The following RAB38 variants were observed in gnomAD, a reference collection of about 807,000 sequenced individuals.
The protein encoded by RAB38 is ras-related protein Rab-38.
RAB38 carries 15 observed loss-of-function variants against 18.4 expected under a neutral mutation model. The observed-to-expected ratio is 0.82, with a 90% CI of 0.55 to 1.26. The LOEUF (loss-of-function observed/expected upper bound fraction) is 1.26, where lower values mean the gene tolerates loss of function less well. RAB38 is among the 50% of genes most tolerant of loss of function. The pLI is 0.00. For synonymous variants in RAB38, 101 were observed against 104.4 expected, an observed-to-expected ratio of 0.97 and a Z score of 0.20; for missense variants, 294 against 267.4, an observed-to-expected ratio of 1.10 and a Z score of -0.69.
At chr11:88,027,296 G>C in the RAB38 span, among the ~76,000 whole-genome samples, 1 of 152,126 alleles carries the variant, frequency 6.6e-6, no homozygotes, top group African/African-American at 2.4e-5. Flanking sequence ...TGTGAGCGAC[G>C]CAGAAGACGG....
the RAB38 span, among the ~76,000 whole-genome samples, chr11:87,969,656 C>T: frequency 0.012 from 1,779 of 152,132 alleles, 40 homozygotes; most frequent in African/African-American, 0.04. Flanking sequence ...TGGTCTGTGT[C>T]GGGAAATTAT....
the RAB38 span, among the ~76,000 whole-genome samples, chr11:87,907,660 A>G: frequency 6.6e-6 from 1 of 151,568 alleles, no homozygotes; most frequent in Non-Finnish European, 1.5e-5. Flanking sequence ...TAGTATTTAA[A>G]TATTTTAGTC....
the RAB38 span, among the ~76,000 whole-genome samples, chr11:87,941,998 T>C: frequency 2.0e-5 from 3 of 152,194 alleles, no homozygotes; most frequent in Non-Finnish European, 4.4e-5. Context: ...ATGAGGCTGC[T>C]GACAGCCCTG....
intron 1 of RAB38, chr11:88,166,008 G>GTA (rs1314218815): frequency 6.6e-6 from 1 of 152,068 alleles, no homozygotes; most frequent in Non-Finnish European, 1.5e-5. Flanking sequence ...GAAAGTCTCT[G>GTA]TAGAGGAGCT....
chr11:87,890,918 T>A, the RAB38 span, among the ~76,000 whole-genome samples: 2 of 151,804 alleles, frequency 1.3e-5, no homozygotes, highest in African/African-American at 2.4e-5. Flanking sequence ...TTAAAAAAAA[T>A]ATTCGTAAGA....
At chr11:87,865,201 C>T in the RAB38 span, among the ~76,000 whole-genome samples, 2 of 151,594 alleles carry the variant, frequency 1.3e-5, no homozygotes, top group Non-Finnish European at 3.0e-5. Context: ...TGTCCATATA[C>T]TCATGCCTGG....
chr11:88,047,978 A>C, the RAB38 span, among the ~76,000 whole-genome samples: 1 of 152,286 alleles, frequency 6.6e-6, no homozygotes, highest in Admixed American at 6.5e-5. Flanking sequence ...GTAGGTTACA[A>C]GCCACTAGTC....
chr11:87,930,536 C>G, the RAB38 span, among the ~76,000 whole-genome samples: 20,610 of 151,998 alleles, frequency 0.14, 1,727 homozygotes, highest in Admixed American at 0.23. Context: ...TCTGATGGTA[C>G]TTTCTTTTGC....
At chr11:88,046,106 G>T in the RAB38 span, among the ~76,000 whole-genome samples, 1 of 151,968 alleles carries the variant, frequency 6.6e-6, no homozygotes, top group African/African-American at 2.4e-5. Flanking sequence ...CTCCCTCCTT[G>T]GTGACTGATC....
chr11:87,948,382 T>G, the RAB38 span, among the ~76,000 whole-genome samples: 10 of 152,122 alleles, frequency 6.6e-5, no homozygotes, highest in African/African-American at 2.2e-4. Flanking sequence ...CTGAATACCC[T>G]TTATTTCCTT....
chr11:87,886,282 C>T, the RAB38 span, among the ~76,000 whole-genome samples: 2 of 151,708 alleles, frequency 1.3e-5, no homozygotes, highest in Non-Finnish European at 2.9e-5. Context: ...ATCACCCCAA[C>T]AGTATTCAGG....
At chr11:88,149,249 A>G (rs959549860) in intron 2 of RAB38, among the ~76,000 whole-genome samples, 1 of 152,224 alleles carries the variant, frequency 6.6e-6, no homozygotes, top group African/African-American at 2.4e-5. Flanking sequence ...AGGAGGAAGC[A>G]CAATTCCTGA....
the RAB38 span, among the ~76,000 whole-genome samples, chr11:87,960,780 G>A: frequency 2.0e-5 from 3 of 152,232 alleles, no homozygotes; most frequent in East Asian, 3.9e-4. Context: ...TTCCCTAGAT[G>A]TGCTAAAATC....
At chr11:87,842,075 A>G in the RAB38 span, among the ~76,000 whole-genome samples, 1 of 152,234 alleles carries the variant, frequency 6.6e-6, no homozygotes, top group African/African-American at 2.4e-5. Context: ...TTATCTTTGT[A>G]TAACCTGACA....
the RAB38 span, among the ~76,000 whole-genome samples, chr11:87,831,754 T>A: frequency 6.6e-6 from 1 of 152,182 alleles, no homozygotes; most frequent in Non-Finnish European, 1.5e-5. Context: ...CAATAAATAA[T>A]AAACAAGCTT....
chr11:87,903,618 T>C, the RAB38 span, among the ~76,000 whole-genome samples: 1 of 151,470 alleles, frequency 6.6e-6, no homozygotes, highest in Non-Finnish European at 1.5e-5. Flanking sequence ...TTCTGAAATA[T>C]TTTGTGTAAG....
the RAB38 span, among the ~76,000 whole-genome samples, chr11:88,033,476 A>G: frequency 6.6e-6 from 1 of 152,102 alleles, no homozygotes; most frequent in Non-Finnish European, 1.5e-5. Context: ...AATTTTCATG[A>G]TTCATTATCT....
intron 1 of RAB38, among the ~76,000 whole-genome samples, chr11:88,159,235 A>AAAAAT (rs1470440769): frequency 1.3e-5 from 2 of 149,252 alleles, no homozygotes; most frequent in Non-Finnish European, 3.0e-5. Flanking sequence ...ATAAATAAAT[A>AAAAAT]AAAATAAAAT....
At chr11:87,974,410 G>A in the RAB38 span, among the ~76,000 whole-genome samples, 20 of 151,796 alleles carry the variant, frequency 1.3e-4, no homozygotes, top group East Asian at 3.3e-3. Flanking sequence ...AAAAATAAAG[G>A]ATCATGAATG....
Sources: gnomAD v4.1 joint callset for allele counts (sites outside exome capture counted in the v4.1 genomes callset) on GRCh38, gnomAD v4.1.1 for gene constraint, MANE v1.5 for transcripts, NCBI Gene and HGNC (gene_info 2026-07-23, HGNC 2026-07-21) for gene names.